The following CFAP299 variants were observed in gnomAD, a reference collection of about 807,000 sequenced individuals.
CFAP299 encodes the protein cilia and flagella associated protein 299.
Under a neutral mutation model 27.0 loss-of-function variants are expected in CFAP299, and 21 were observed. The ratio of observed to expected loss-of-function variants is 0.78; its 90% CI spans 0.55 to 1.12. CFAP299 has a LOEUF of 1.12. Ranked by LOEUF, CFAP299 falls within the 50% of genes most tolerant of loss-of-function variation. CFAP299 has a pLI of 0.00. For missense variants in CFAP299, 310 were observed against 276.6 expected, an observed-to-expected ratio of 1.12 and a Z score of -0.86; for synonymous variants, 104 against 98.1, an observed-to-expected ratio of 1.06 and a Z score of -0.36.
chr4:80,932,625 A>G (rs1736677526), intron 4 of CFAP299, among the ~76,000 whole-genome samples: 2 of 152,246 alleles, frequency 1.3e-5, no homozygotes, highest in African/African-American at 4.8e-5. Flanking sequence ...AATAAAATAA[A>G]AAGGATCAAC....
chr4:80,495,454 G>GT (rs1560594032), intron 2 of CFAP299, among the ~76,000 whole-genome samples: 1 of 152,040 alleles, frequency 6.6e-6, no homozygotes, highest in Non-Finnish European at 1.5e-5. Context: ...TTAGAAAAAG[G>GT]TTTTTTAAAT....
At chr4:80,781,093 A>G (rs1726850471) in intron 3 of CFAP299, among the ~76,000 whole-genome samples, 1 of 152,012 alleles carries the variant, frequency 6.6e-6, no homozygotes, top group South Asian at 2.1e-4. Context: ...TATATTAGGT[A>G]AAGAAAGAAA....
In CFAP299 at chr4:80,657,575, C is replaced by T. The variant is rs182854649; in HGVS notation, c.333+74392C>T. Among the ~76,000 whole-genome samples, 13 of 152,062 alleles carry T rather than the reference C, an allele frequency of 8.5e-5. No homozygotes were observed. The East Asian group carries it at 2.3e-3, about 27-fold the overall frequency. Reference sequence around the variant, plus strand: ...TTATTTCTGAGGCCTCTTTTCTGTTCTATTGGTCTATATCTCTGTTTTGGT... The same window carrying T: ...TTATTTCTGAGGCCTCTTTTCTGTTTTATTGGTCTATATCTCTGTTTTGGT... On this transcript the variant is annotated intron_variant, in intron 3 of 5. Coordinates refer to ENST00000358105, the MANE Select transcript of CFAP299 (RefSeq NM_152770.3).
At chr4:80,597,337 G>A (rs938686543) in intron 3 of CFAP299, among the ~76,000 whole-genome samples, 2 of 152,104 alleles carry the variant, frequency 1.3e-5, no homozygotes, top group Non-Finnish European at 2.9e-5. Flanking sequence ...TCATCCATGT[G>A]TTTATTGGTC....
chr4:80,368,614 C>T (rs1345893060), intron 2 of CFAP299, among the ~76,000 whole-genome samples: 1 of 151,868 alleles, frequency 6.6e-6, no homozygotes, highest in Non-Finnish European at 1.5e-5. Flanking sequence ...CATAGTGAGA[C>T]CCCAAATCTT....
chr4:80,633,982 CT>C (rs1225649545), intron 3 of CFAP299, among the ~76,000 whole-genome samples: 1,507 of 115,152 alleles, frequency 0.013, 21 homozygotes, highest in African/African-American at 0.044. Context: ...GAGGAGAAAA[CT>C]TTTTTTTTTT....
At chr4:80,510,837 C>T (rs1268996827) in intron 2 of CFAP299, among the ~76,000 whole-genome samples, 1 of 152,184 alleles carries the variant, frequency 6.6e-6, no homozygotes, top group Non-Finnish European at 1.5e-5. Context: ...AATGTTAGAT[C>T]CAAAACTCTG....
At chr4:80,459,904 A>G (rs1020736712) in intron 2 of CFAP299, among the ~76,000 whole-genome samples, 1 of 152,174 alleles carries the variant, frequency 6.6e-6, no homozygotes, top group African/African-American at 2.4e-5. Context: ...ACTGAAAATC[A>G]GCTGACAAAA....
intron 3 of CFAP299, among the ~76,000 whole-genome samples, chr4:80,779,675 A>C (rs928623034): frequency 6.6e-6 from 1 of 151,644 alleles, no homozygotes; most frequent in East Asian, 1.9e-4. Context: ...CCCTGTCTCC[A>C]CTGTCAGTCC....
chr4:80,605,911 T>C (rs1380403329), intron 3 of CFAP299, among the ~76,000 whole-genome samples: 1 of 152,182 alleles, frequency 6.6e-6, no homozygotes, highest in Non-Finnish European at 1.5e-5. Flanking sequence ...TCTATTGGTT[T>C]AGAGGCAGCA....
chr4:80,813,737 A>G (rs1176193030), intron 3 of CFAP299, among the ~76,000 whole-genome samples: 2 of 152,062 alleles, frequency 1.3e-5, no homozygotes, highest in African/African-American at 4.8e-5. Context: ...AACAAGAATT[A>G]TAAAACAAAC....
At chr4:80,654,043 A>G (rs1355162042) in intron 3 of CFAP299, among the ~76,000 whole-genome samples, 1 of 152,162 alleles carries the variant, frequency 6.6e-6, no homozygotes, top group Admixed American at 6.6e-5. Flanking sequence ...CTTGCTCTGC[A>G]GTTATGACAT....
At chr4:80,844,845 A>G (rs1731080598) in intron 3 of CFAP299, among the ~76,000 whole-genome samples, 1 of 152,170 alleles carries the variant, frequency 6.6e-6, no homozygotes, top group South Asian at 2.1e-4. Flanking sequence ...TATGTCCTGA[A>G]TGGTTTTGCC....
chr4:80,847,693 G>T (rs1731261249), intron 3 of CFAP299, among the ~76,000 whole-genome samples: 1 of 152,144 alleles, frequency 6.6e-6, no homozygotes, highest in Non-Finnish European at 1.5e-5. Context: ...ACATTATGGG[G>T]CTTGGGTTAA....
chr4:80,672,823 T>C lies in CFAP299; in HGVS notation c.333+89640T>C, dbSNP rs368460742. 2.6e-5 allele frequency among the ~76,000 whole-genome samples: 4 copies of C among 152,322 alleles called. No homozygotes were observed. The South Asian group carries it at 8.3e-4, about 32-fold the overall frequency. Reference sequence around the variant, plus strand: ...TTTATAGTATTCTCTGAAGGCAGTTTGTATTTCTGTGGGATCAGTGGTGAT... The same window carrying C: ...TTTATAGTATTCTCTGAAGGCAGTTCGTATTTCTGTGGGATCAGTGGTGAT... On this transcript the variant is annotated intron_variant, in intron 3 of 5. Coordinates refer to ENST00000358105, the MANE Select transcript of CFAP299 (RefSeq NM_152770.3).
At position 80,414,064 on chromosome 4, in the gene CFAP299, C is replaced by CTT. The variant is rs1170153950; in HGVS notation, c.242+51203_242+51204dup. Among the ~76,000 whole-genome samples, 299 of 62,366 alleles carry CTT rather than the reference C, an allele frequency of 4.8e-3. 6 individuals are homozygous for CTT. The highest frequency in any genetic ancestry group is 0.015 in the African/African-American group (283 of 19,444). 40.9% of individuals were successfully genotyped at this position (62,366 alleles called of 152,430 possible). ...GCATGCAAGAAACAAATGGGTATTT[C>CTT]TTTTTTTTTTTTTTTTTTTTTTTTG... On this transcript the variant is annotated intron_variant, in intron 2 of 5. Transcript: ENST00000358105.
intron 2 of CFAP299, among the ~76,000 whole-genome samples, chr4:80,410,320 A>T (rs1441746047): frequency 2.0e-5 from 3 of 152,190 alleles, no homozygotes; most frequent in Non-Finnish European, 2.9e-5. Flanking sequence ...ATAGATAGCC[A>T]TTGCCTTGGA....
chr4:80,331,197 C>A (rs983699173), upstream of CFAP299, among the ~76,000 whole-genome samples: 5 of 152,142 alleles, frequency 3.3e-5, no homozygotes, highest in African/African-American at 4.8e-5. Context: ...GAAGTGGAGG[C>A]TCCTTTCAAA....
intron 3 of CFAP299, among the ~76,000 whole-genome samples, chr4:80,847,577 A>G (rs1731255507): frequency 6.6e-6 from 1 of 152,208 alleles, no homozygotes; most frequent in African/African-American, 2.4e-5. Flanking sequence ...CATTGTTTCA[A>G]GTTAGAAATC....
Sources: allele counts gnomAD v4.1 joint callset (sites outside exome capture counted in the v4.1 genomes callset), GRCh38; gene constraint gnomAD v4.1.1; transcripts MANE v1.5; gene names NCBI Gene and HGNC (gene_info 2026-07-23, HGNC 2026-07-21).